FER: variants seen among roughly 807,000 people sequenced by gnomAD.
FER encodes the protein tyrosine-protein kinase Fer.
Under a neutral mutation model 111.0 loss-of-function variants are expected in FER, and 63 were observed. The observed-to-expected ratio is 0.57, with a 90% confidence interval of 0.46 to 0.70. The LOEUF is 0.70. FER is among the 30% of genes least tolerant of loss of function. The probability of loss-of-function intolerance (pLI) is 0.00; values close to 1 mark genes in which losing one functional copy is unlikely to be tolerated. For missense variants in FER, 914 were observed against 954.0 expected (o/e 0.96, Z 0.55); for synonymous variants, 327 against 313.9 (o/e 1.04, Z -0.44).
intron 3 of FER, among the ~76,000 whole-genome samples, chr5:108,806,664 G>A (rs1422581807): frequency 6.6e-6 from 1 of 152,182 alleles, no homozygotes; most frequent in Non-Finnish European, 1.5e-5. Context: ...TTTGAGATTT[G>A]ACTGCCCCAC....
chr5:108,749,919 G>A (rs1561360576), intron 1 of FER, among the ~76,000 whole-genome samples: 1 of 152,200 alleles, frequency 6.6e-6, no homozygotes, highest in Non-Finnish European at 1.5e-5. Context: ...TTGTACGTTT[G>A]CGATTTTGCC....
chr5:108,830,933 T>G (rs1246665104), intron 3 of FER: 1 of 152,216 alleles, frequency 6.6e-6, no homozygotes, highest in Admixed American at 6.5e-5. Context: ...CGAGAGTTCT[T>G]GACAATACAG....
At chr5:109,031,047 A>G (rs936671080) in intron 13 of FER, among the ~76,000 whole-genome samples, 1 of 152,074 alleles carries the variant, frequency 6.6e-6, no homozygotes, top group Non-Finnish European at 1.5e-5. Context: ...CCAGCTGGGA[A>G]AGGGAGTCTT....
Position 108,965,894 on chromosome 5 carries a change from A to G in FER, c.1656+6547A>G, listed in dbSNP as rs75924838. 3.3e-5 allele frequency among the ~76,000 whole-genome samples: 5 copies of G among 152,312 alleles called. No individual in the cohort carries two copies. In the East Asian group the frequency reaches 9.6e-4, roughly 29 times the overall value. ...TTTGACTATATAGTCACTACTTAGT[A>G]TAGTCTGCAAAGTTAAATTAAGATT... On this transcript the variant is annotated intron_variant, in intron 13 of 19. Transcript: ENST00000281092.
intron 12 of FER, among the ~76,000 whole-genome samples, chr5:108,957,566 A>G (rs1049503807): frequency 2.0e-5 from 3 of 151,706 alleles, no homozygotes; most frequent in African/African-American, 7.2e-5. Flanking sequence ...AAGCTATGAT[A>G]GAACTGCCAT....
chr5:108,829,828 G>A (rs1297588499), intron 3 of FER, among the ~76,000 whole-genome samples: 1 of 151,838 alleles, frequency 6.6e-6, no homozygotes, highest in East Asian at 1.9e-4. Flanking sequence ...CATTTCAATT[G>A]AGGAGACATT....
rs1580598483 is a variant in FER, at chr5:108,798,343, A to G, written c.161A>G (p.Asp54Gly). ...TTACAGAACCTTTGTAATCAAGTTG[A>G]TAAGGAAAGTACTGTCCAAATGAAT... ...STLQNLCNQV[D>G]KESTVQMNYV... Residue 54 changes from aspartate to glycine, a missense_variant, in exon 3 of 20, where the codon GAT becomes GGT. Around this residue, in one of 3 missense-constraint regions of FER, gnomAD observed 774 missense variants for 782.6 expected, o/e 0.99. Transcript: ENST00000281092. 6.2e-7 allele frequency: 1 copy of G among 1,613,998 alleles called. No individual in the cohort carries two copies. Among genetic ancestry groups the G allele is most frequent in the African/African-American group, 1.3e-5 (1 of 75,052 alleles).
chr5:108,844,043 T>TATATATGTGTGTGAAC (rs1761563084), intron 5 of FER, among the ~76,000 whole-genome samples: 1 of 101,416 alleles, frequency 9.9e-6, no homozygotes, highest in East Asian at 2.1e-4. Context: ...TGTGTGAACA[T>TATATATGTGTGTGAAC]ATATATGTGT....
At chr5:109,179,078 T>G (rs553371637) in intron 17 of FER, among the ~76,000 whole-genome samples, 1 of 152,346 alleles carries the variant, frequency 6.6e-6, no homozygotes, top group African/African-American at 2.4e-5. Context: ...CTTTGTGTAT[T>G]TTTGCAGCCT....
chr5:109,062,095 A>C (rs1465164551), intron 16 of FER, among the ~76,000 whole-genome samples: 4 of 152,108 alleles, frequency 2.6e-5, no homozygotes, highest in Non-Finnish European at 5.9e-5. Context: ...GTCAGCTCTA[A>C]ATGGCAATGG....
At chr5:108,833,948 CT>C (rs1428044954) in intron 4 of FER, among the ~76,000 whole-genome samples, 1 of 151,282 alleles carries the variant, frequency 6.6e-6, no homozygotes, top group Non-Finnish European at 1.5e-5. Context: ...TTATCGAATA[CT>C]TTTTGTTGAA....
intron 1 of FER, among the ~76,000 whole-genome samples, chr5:108,765,892 A>C (rs749896300): frequency 1.4e-4 from 22 of 151,956 alleles, no homozygotes; most frequent in Non-Finnish European, 2.6e-4. Flanking sequence ...TTAATTAAAG[A>C]TGATGTGTTG....
At chr5:108,748,590 G>A (rs1312989223) in intron 1 of FER, 2 of 152,386 alleles carry the variant, frequency 1.3e-5, no homozygotes, top group African/African-American at 4.8e-5. Context: ...CCGAGGCGGG[G>A]AGAGCGGCAC....
intron 9 of FER, among the ~76,000 whole-genome samples, chr5:108,885,789 A>C (rs943695332): frequency 6.6e-6 from 1 of 151,838 alleles, no homozygotes; most frequent in South Asian, 2.1e-4. Flanking sequence ...GCAACATTAA[A>C]TGGGAATCGA....
At chr5:109,085,089 C>A (rs1186362554) in intron 16 of FER, among the ~76,000 whole-genome samples, 1 of 151,776 alleles carries the variant, frequency 6.6e-6, no homozygotes, top group Middle Eastern at 3.2e-3. Context: ...AATTTAGAAG[C>A]AGCTTGTCAA....
intron 9 of FER, among the ~76,000 whole-genome samples, chr5:108,884,692 T>TA (rs1746822690): frequency 6.6e-6 from 1 of 151,974 alleles, no homozygotes. Flanking sequence ...CCCCAAATAA[T>TA]CCTTTTTAAA....
At chr5:108,760,967 G>A (rs893057388) in intron 1 of FER, among the ~76,000 whole-genome samples, 1 of 151,152 alleles carries the variant, frequency 6.6e-6, no homozygotes, top group Admixed American at 6.6e-5. Context: ...GTCTCGCTCT[G>A]TTGCCCAGGC....
chr5:109,102,723 T>G (rs1748401676), intron 17 of FER, among the ~76,000 whole-genome samples: 1 of 152,182 alleles, frequency 6.6e-6, no homozygotes, highest in African/African-American at 2.4e-5. Context: ...ATGAATTTTA[T>G]GATATCTCCC....
intron 17 of FER, among the ~76,000 whole-genome samples, chr5:109,164,667 G>T (rs1756351093): frequency 6.6e-6 from 1 of 151,958 alleles, no homozygotes; most frequent in African/African-American, 2.4e-5. Context: ...TAGAAATATG[G>T]TTCCTTTTAT....
Sources: allele counts gnomAD v4.1 joint callset (sites outside exome capture counted in the v4.1 genomes callset), GRCh38; gene constraint gnomAD v4.1.1; regional missense constraint gnomAD v4.1.1; transcripts MANE v1.5; gene names NCBI Gene and HGNC (gene_info 2026-07-23, HGNC 2026-07-21).